Variants in HSD17B12 observed in about 807,000 individuals in gnomAD.
HSD17B12 encodes very-long-chain 3-oxoacyl-CoA reductase.
In HSD17B12, 32 loss-of-function variants were observed where a neutral mutation model predicts 39.3. The observed-to-expected ratio is 0.81, with a 90% CI of 0.61 to 1.09. The LOEUF is 1.09. Ranked by LOEUF, HSD17B12 falls within the 50% of genes least tolerant of loss-of-function variation. HSD17B12 has a pLI of 0.00. For synonymous variants in HSD17B12, 150 were observed against 146.7 expected (o/e 1.02, Z -0.16); for missense variants, 342 against 382.9 (o/e 0.89, Z 0.89).
chr11:43,688,569 A>G (rs1949823709), intron 1 of HSD17B12, among the ~76,000 whole-genome samples: 2 of 152,230 alleles, frequency 1.3e-5, no homozygotes, highest in African/African-American at 4.8e-5. Flanking sequence ...AAAACTATCC[A>G]GTTTCTGGAA....
intron 1 of HSD17B12, among the ~76,000 whole-genome samples, chr11:43,698,825 G>T (rs1724826103): frequency 6.6e-6 from 1 of 152,138 alleles, no homozygotes; most frequent in Non-Finnish European, 1.5e-5. Context: ...CTTGTGTGAG[G>T]TTCACATTGC....
the HSD17B12 span, among the ~76,000 whole-genome samples, chr11:43,659,048 G>A: frequency 3.9e-5 from 6 of 152,320 alleles, no homozygotes; most frequent in South Asian, 2.1e-4. Context: ...CACCCAGTTC[G>A]AGCTTCCCAG....
At chr11:43,566,674 C>T in the HSD17B12 span, among the ~76,000 whole-genome samples, 26 of 152,200 alleles carry the variant, frequency 1.7e-4, no homozygotes, top group African/African-American at 3.6e-4. Flanking sequence ...TGACTACAGG[C>T]GCACACCGCC....
chr11:43,762,467 A>G lies in HSD17B12; in HGVS notation c.283+8346A>G, dbSNP rs536960717. On this transcript the variant is annotated intron_variant, in intron 3 of 10. Transcript: ENST00000278353. ...TCCAGATACAGCCCTTGCTGAGGCT[A>G]ATTAGTCTTTTGATGATCTTCCTAA... Among the ~76,000 whole-genome samples the G allele has an allele frequency of 2.6e-5, 4 of 152,354 alleles. No homozygotes were observed. In the East Asian group the frequency reaches 7.7e-4, roughly 29 times the overall value.
chr11:43,680,675 C>T, upstream of HSD17B12: 1 of 707,086 alleles, frequency 1.4e-6, no homozygotes, highest in East Asian at 2.6e-5. Flanking sequence ...CCAATAGCGA[C>T]ACGGATATGG....
At chr11:43,802,205 C>A (rs1950978268) in intron 4 of HSD17B12, among the ~76,000 whole-genome samples, 1 of 151,954 alleles carries the variant, frequency 6.6e-6, no homozygotes, top group Non-Finnish European at 1.5e-5. Flanking sequence ...CCAGGGTGGT[C>A]TCGATCTCCT....
chr11:43,768,294 GTTATTATA>G (rs1387605284), intron 3 of HSD17B12, among the ~76,000 whole-genome samples: 1 of 152,158 alleles, frequency 6.6e-6, no homozygotes, highest in African/African-American at 2.4e-5. Context: ...GCCTGTTGGA[GTTATTATA>G]TTATTTAATT....
the HSD17B12 span, among the ~76,000 whole-genome samples, chr11:43,650,836 A>G: frequency 6.6e-6 from 1 of 152,320 alleles, no homozygotes; most frequent in African/African-American, 2.4e-5. Flanking sequence ...TAAATGGAAA[A>G]TTCTGGAAAT....
At chr11:43,779,583 G>A (rs1212948476) in intron 3 of HSD17B12, among the ~76,000 whole-genome samples, 6 of 152,276 alleles carry the variant, frequency 3.9e-5, no homozygotes, top group South Asian at 4.1e-4. Flanking sequence ...GTGTAAAACA[G>A]GTGTGACTGA....
intron 9 of HSD17B12, chr11:43,854,470 G>T (rs951146681): frequency 1.2e-5 from 5 of 428,076 alleles, no homozygotes; most frequent in African/African-American, 8.1e-5. Flanking sequence ...GTAGATTTCT[G>T]CTTATTTTTA....
At chr11:43,835,338 G>T (rs1277642297) in intron 7 of HSD17B12, among the ~76,000 whole-genome samples, 1 of 152,096 alleles carries the variant, frequency 6.6e-6, no homozygotes, top group Non-Finnish European at 1.5e-5. Context: ...TTTAAAGGGC[G>T]AGTCTTTTGT....
intron 1 of HSD17B12, among the ~76,000 whole-genome samples, chr11:43,747,615 G>A (rs1288166233): frequency 6.6e-6 from 1 of 152,206 alleles, no homozygotes; most frequent in Non-Finnish European, 1.5e-5. Context: ...CCTTTGAAGC[G>A]TTGGAATGTG....
chr11:43,615,668 C>G, the HSD17B12 span, among the ~76,000 whole-genome samples: 1 of 152,098 alleles, frequency 6.6e-6, no homozygotes, highest in African/African-American at 2.4e-5. Flanking sequence ...CATTTTTTCC[C>G]CCTGACTGTT....
chr11:43,684,207 A>T (rs1210768651), intron 1 of HSD17B12, among the ~76,000 whole-genome samples: 1 of 152,186 alleles, frequency 6.6e-6, no homozygotes, highest in Non-Finnish European at 1.5e-5. Context: ...GGGTTTAGCC[A>T]ATTTAGTAAG....
chr11:43,593,871 A>C, the HSD17B12 span, among the ~76,000 whole-genome samples: 11,834 of 152,190 alleles, frequency 0.078, 517 homozygotes, highest in Middle Eastern at 0.15. Context: ...TAAAACATAT[A>C]GTATAAATAT....
intron 1 of HSD17B12, among the ~76,000 whole-genome samples, chr11:43,700,760 A>G (rs1949956768): frequency 6.6e-6 from 1 of 152,172 alleles, no homozygotes; most frequent in Non-Finnish European, 1.5e-5. Context: ...GTTGCTTCCA[A>G]ATCTTAGCTA....
chr11:43,616,432 AAAAC>A, the HSD17B12 span, among the ~76,000 whole-genome samples: 16 of 150,826 alleles, frequency 1.1e-4, 1 homozygote, highest in African/African-American at 2.7e-4. Flanking sequence ...AAACAAAAAA[AAAAC>A]AAACAAACTA....
chr11:43,651,537 C>G, the HSD17B12 span, among the ~76,000 whole-genome samples: 1 of 152,118 alleles, frequency 6.6e-6, no homozygotes, highest in Non-Finnish European at 1.5e-5. Flanking sequence ...ATGCTTATAT[C>G]CTAGCAATAA....
the HSD17B12 span, among the ~76,000 whole-genome samples, chr11:43,579,827 G>T: frequency 6.6e-6 from 1 of 152,118 alleles, no homozygotes; most frequent in East Asian, 2.0e-4. Flanking sequence ...TGCCTCCACC[G>T]TCGAGAGACG....
Sources: allele counts gnomAD v4.1 joint callset (sites outside exome capture counted in the v4.1 genomes callset), GRCh38; gene constraint gnomAD v4.1.1; transcripts MANE v1.5; gene names NCBI Gene and HGNC (gene_info 2026-07-23, HGNC 2026-07-21).